CARMIL1: variants seen among roughly 807,000 people sequenced by gnomAD.
CARMIL1 encodes capping protein regulator and myosin 1 linker 1, also known as F-actin-uncapping protein LRRC16A.
In CARMIL1, 90 loss-of-function variants were observed where a neutral mutation model predicts 177.1. The ratio of observed to expected loss-of-function variants is 0.51; its 90% confidence interval spans 0.43 to 0.61. The LOEUF (loss-of-function observed/expected upper bound fraction) is 0.61. Among genes scored for constraint, CARMIL1 ranks in the 20% least tolerant of loss-of-function variants. CARMIL1 has a pLI of 0.00. For missense variants in CARMIL1, 1,380 were observed against 1,667.0 expected (o/e 0.83, Z 3.00); for synonymous variants, 577 against 606.2 (o/e 0.95, Z 0.71).
chr6:25,504,534 A>C (rs1239539079), intron 17 of CARMIL1, among the ~76,000 whole-genome samples: 4 of 152,158 alleles, frequency 2.6e-5, no homozygotes, highest in Non-Finnish European at 4.4e-5. Flanking sequence ...TACAAACATC[A>C]TTGTTATTTG....
intron 2 of CARMIL1, among the ~76,000 whole-genome samples, chr6:25,308,680 A>ATT (rs5875026): frequency 4.0e-4 from 60 of 149,310 alleles, no homozygotes; most frequent in Admixed American, 9.3e-4. Context: ...TGTTCCGGCC[A>ATT]TTTTTTTTTT....
chr6:25,370,459 A>C (rs779050189), intron 2 of CARMIL1, among the ~76,000 whole-genome samples: 1 of 152,238 alleles, frequency 6.6e-6, no homozygotes, highest in Non-Finnish European at 1.5e-5. Flanking sequence ...CAGTTGTCAA[A>C]TATAAAGACA....
intron 2 of CARMIL1, among the ~76,000 whole-genome samples, chr6:25,416,333 C>T (rs183942324): frequency 2.4e-4 from 37 of 152,270 alleles, no homozygotes; most frequent in African/African-American, 8.9e-4. Flanking sequence ...TCATTAGGAA[C>T]ACCATCTCTG....
intron 33 of CARMIL1, among the ~76,000 whole-genome samples, chr6:25,603,860 C>T (rs1328309032): frequency 2.6e-5 from 4 of 152,162 alleles, no homozygotes; most frequent in Non-Finnish European, 5.9e-5. Flanking sequence ...AAGACAGTGG[C>T]ATTTTACTTT....
intron 29 of CARMIL1, among the ~76,000 whole-genome samples, chr6:25,560,446 G>A (rs1446193901): frequency 2.0e-5 from 3 of 151,986 alleles, no homozygotes; most frequent in Admixed American, 2.0e-4. Flanking sequence ...AAAATTAAAT[G>A]GTTTAAAAAG....
intron 5 of CARMIL1, among the ~76,000 whole-genome samples, chr6:25,447,675 A>G (rs569943836): frequency 1.3e-5 from 2 of 151,716 alleles, no homozygotes; most frequent in Non-Finnish European, 2.9e-5. Context: ...TGGCCACATG[A>G]CCTTGTCATC....
At position 25,515,942 on chromosome 6, in the gene CARMIL1, G is replaced by GCTTC; in HGVS notation, c.1805+97_1805+100dup. ...AGCTGCTGGGCCCGAGGGGACCTGG[G>GCTTC]CTTCCCATGAGGCCATCTTGAGGAG... On this transcript the variant is annotated intron_variant, in intron 21 of 36. Transcript: ENST00000329474. This position sits in a 1 kb window ranked among gnomAD's most constrained non-coding sequence, Gnocchi z 5.0. The GCTTC allele has an allele frequency of 7.7e-7, 1 of 1,296,198 alleles. No homozygotes were observed. The highest frequency in any genetic ancestry group is 1.0e-6 in the Non-Finnish European group (1 of 958,088). The allele number at this position is 1,296,198 out of a possible 1,614,324, so 80.3% of individuals were successfully genotyped here. A position where few individuals can be genotyped will look rare whatever the true frequency, so the allele number is the denominator to read the frequency against.
intron 2 of CARMIL1, among the ~76,000 whole-genome samples, chr6:25,411,378 C>G (rs867162382): frequency 2.6e-5 from 4 of 152,132 alleles, no homozygotes; most frequent in Admixed American, 1.3e-4. Flanking sequence ...TTAAAGATGC[C>G]CATTCATGTT....
intron 2 of CARMIL1, among the ~76,000 whole-genome samples, chr6:25,365,574 A>G (rs1164535993): frequency 1.3e-5 from 2 of 152,082 alleles, no homozygotes; most frequent in African/African-American, 4.8e-5. Flanking sequence ...ATTTTTTTAA[A>G]CAGGGTCTGG....
At chr6:25,615,402 A>C (rs952483291) in intron 36 of CARMIL1, among the ~76,000 whole-genome samples, 23 of 152,226 alleles carry the variant, frequency 1.5e-4, no homozygotes, top group Non-Finnish European at 3.1e-4. Context: ...TTTACTAGAA[A>C]TATTTGTAAG....
At chr6:25,364,776 G>T (rs1189113790) in intron 2 of CARMIL1, among the ~76,000 whole-genome samples, 1 of 152,146 alleles carries the variant, frequency 6.6e-6, no homozygotes, top group Admixed American at 6.5e-5. Context: ...TGTTGGCCAG[G>T]CTTGTCTTGA....
At chr6:25,313,683 G>GCATATATA in intron 2 of CARMIL1, among the ~76,000 whole-genome samples, 3,835 of 133,540 alleles carry the variant, frequency 0.029, 306 homozygotes, top group Non-Finnish European at 0.042. Flanking sequence ...AGGGAAGGCT[G>GCATATATA]TATATATACA....
intron 11 of CARMIL1, among the ~76,000 whole-genome samples, chr6:25,479,887 A>T (rs557423040): frequency 2.6e-5 from 4 of 152,234 alleles, no homozygotes; most frequent in South Asian, 4.1e-4. Flanking sequence ...TAAAATTCCC[A>T]CTGTGATTTT....
At chr6:25,490,430 G>A (rs1221752201) in intron 13 of CARMIL1, among the ~76,000 whole-genome samples, 3 of 152,144 alleles carry the variant, frequency 2.0e-5, no homozygotes, top group Admixed American at 6.5e-5. Flanking sequence ...GGGTGTAGTG[G>A]CTCACACTTA....
Position 25,450,260 on chromosome 6 carries a change from G to A in CARMIL1, c.470-79G>A, listed in dbSNP as rs146409780. On this transcript the variant is annotated intron_variant, in intron 6 of 36. Coordinates refer to ENST00000329474, the MANE Select transcript of CARMIL1 (RefSeq NM_017640.6). ...AAGGATAATCAGCATTGTCAACATC[G>A]GCCATATTTAAGCTTTAAAATTTTA... is the stretch of plus-strand genomic sequence containing the variant. 6.3e-3 allele frequency: 6,158 copies of A among 969,832 alleles called. 97 individuals carry two copies. Among genetic ancestry groups the A allele is most frequent in the African/African-American group, 0.046 (2,877 of 62,216 alleles). The allele number at this position is 969,832 out of a possible 1,614,324, so 60.1% of individuals were successfully genotyped here.
Position 25,606,280 on chromosome 6 carries a change from G to T in CARMIL1, c.3847+7G>T. The T allele has an allele frequency of 3.1e-6, 5 of 1,611,616 alleles. No individual in the cohort carries two copies. The highest frequency in any genetic ancestry group is 4.2e-6 in the Non-Finnish European group (5 of 1,179,102). On this transcript the variant is annotated splice_region_variant and intron_variant, in intron 35 of 36. Transcript: ENST00000329474. ...AGAACCGCCTCACGGCCTGGTAAGA[G>T]TTTTGCAGTTAGGGAGTTGCATTGT...
At chr6:25,471,378 T>G in intron 10 of CARMIL1, 121 bp downstream of exon 10, 1 of 595,190 alleles carries the variant, frequency 1.7e-6, no homozygotes, top group Non-Finnish European at 2.8e-6. Flanking sequence ...GCAATGTTTT[T>G]CCTTCTGGGA....
chr6:25,466,576 GTTTGTTATGGGATAA>G (rs1800616606), intron 9 of CARMIL1, among the ~76,000 whole-genome samples: 1 of 152,192 alleles, frequency 6.6e-6, no homozygotes. Flanking sequence ...ACTCTCTGGT[GTTTGTTATGGGATAA>G]GAAAGAATTT....
Position 25,448,516 on chromosome 6 carries a change from T to C in CARMIL1, c.372-1382T>C, listed in dbSNP as rs569865296. 4.6e-5 allele frequency among the ~76,000 whole-genome samples: 7 copies of C among 152,308 alleles called. No individual in the cohort carries two copies. In the South Asian group the frequency reaches 1.4e-3, roughly 32 times the overall value. ...TTCACCTGATTGTCTCTTTTTGCCC[T>C]CCTGTGGGTCTTAGCAGAGATATAT... On this transcript the variant is annotated intron_variant, in intron 5 of 36. Coordinates refer to ENST00000329474, the MANE Select transcript of CARMIL1 (RefSeq NM_017640.6).
Sources: gnomAD v4.1 joint callset for allele counts (sites outside exome capture counted in the v4.1 genomes callset) on GRCh38, gnomAD v4.1.1 for gene constraint, Gnocchi (gnomAD v3.1) non-coding constraint, MANE v1.5 for transcripts, NCBI Gene and HGNC (gene_info 2026-07-23, HGNC 2026-07-21) for gene names.